Variants in PLEKHA7 observed in about 807,000 individuals in gnomAD.
The protein encoded by PLEKHA7 is pleckstrin homology domain-containing family A member 7.
In PLEKHA7, 104 loss-of-function variants were observed where a neutral mutation model predicts 170.0. The ratio of observed to expected loss-of-function variants is 0.61; its 90% CI spans 0.52 to 0.72. The LOEUF (loss-of-function observed/expected upper bound fraction) is 0.72, where lower values mean the gene tolerates loss of function less well. PLEKHA7 is among the 30% of genes least tolerant of loss of function. PLEKHA7 has a pLI of 0.00. For synonymous variants in PLEKHA7, 648 were observed against 660.8 expected (o/e 0.98, Z 0.30); for missense variants, 1,615 against 1,671.7 (o/e 0.97, Z 0.59).
chr11:17,007,239 A>G (rs944963106), intron 3 of PLEKHA7, among the ~76,000 whole-genome samples: 1 of 152,238 alleles, frequency 6.6e-6, no homozygotes, highest in African/African-American at 2.4e-5. Context: ...AAAACATTAT[A>G]TTCTACAATA....
chr11:16,819,089 C>T (rs932871900), intron 10 of PLEKHA7, among the ~76,000 whole-genome samples: 1 of 150,490 alleles, frequency 6.6e-6, no homozygotes, highest in African/African-American at 2.5e-5. Context: ...AGGAGTGAGC[C>T]ACCATGCCTG....
intron 3 of PLEKHA7, among the ~76,000 whole-genome samples, chr11:16,959,606 T>G (rs1369070028): frequency 6.6e-6 from 1 of 152,090 alleles, no homozygotes; most frequent in South Asian, 2.1e-4. Context: ...TAACATCAGG[T>G]CTGAACACCC....
chr11:16,925,340 T>A (rs1312671010), intron 3 of PLEKHA7, among the ~76,000 whole-genome samples: 1 of 152,184 alleles, frequency 6.6e-6, no homozygotes, highest in Non-Finnish European at 1.5e-5. Context: ...GCCGGCTCAA[T>A]GAATTCTCTT....
At chr11:16,949,136 C>T (rs930709060) in intron 3 of PLEKHA7, among the ~76,000 whole-genome samples, 1 of 152,080 alleles carries the variant, frequency 6.6e-6, no homozygotes, top group Non-Finnish European at 1.5e-5. Flanking sequence ...ACCCCCTCCC[C>T]ATCTCTATTT....
intron 10 of PLEKHA7, among the ~76,000 whole-genome samples, chr11:16,818,843 G>T (rs1445485512): frequency 2.8e-5 from 4 of 144,506 alleles, no homozygotes; most frequent in African/African-American, 7.8e-5. Context: ...TTGCTCTTTT[G>T]CCCAGGCTGG....
At position 16,904,649 on chromosome 11, in the gene PLEKHA7, A is replaced by G. The variant is rs368402278; in HGVS notation, c.222-33467T>C. Among the ~76,000 whole-genome samples, 20 of 152,336 alleles carry G rather than the reference A, an allele frequency of 1.3e-4. No individual in the cohort carries two copies. The East Asian group carries it at 1.3e-3, about 10-fold the overall frequency. On this transcript the variant is annotated intron_variant, in intron 3 of 26. Coordinates refer to ENST00000531066, the MANE Select transcript of PLEKHA7 (RefSeq NM_001329630.2). ...TCTGAATATTACTGCTTATTTGTGG[A>G]AAATTTAGAAAATAAAAGCATACAT...
intron 3 of PLEKHA7, among the ~76,000 whole-genome samples, chr11:16,897,588 G>T (rs529649258): frequency 6.6e-6 from 1 of 152,286 alleles, no homozygotes; most frequent in East Asian, 1.9e-4. Context: ...TGGGCCACCC[G>T]CAGAGAAGGT....
intron 1 of PLEKHA7, 50 bp downstream of exon 1, chr11:17,014,265 GC>G: frequency 2.8e-6 from 2 of 720,594 alleles, no homozygotes; most frequent in Non-Finnish European, 2.1e-6. Flanking sequence ...CCCGGCCCCC[GC>G]CCCCGCGCCC....
intron 3 of PLEKHA7, among the ~76,000 whole-genome samples, chr11:16,893,337 T>C (rs1856797649): frequency 6.6e-6 from 1 of 152,160 alleles, no homozygotes; most frequent in African/African-American, 2.4e-5. Flanking sequence ...AGGTAAACAA[T>C]AATACCAAGC....
chr11:16,839,485 A>G (rs1851787291), intron 9 of PLEKHA7, among the ~76,000 whole-genome samples: 1 of 150,550 alleles, frequency 6.6e-6, no homozygotes, highest in South Asian at 2.1e-4. Context: ...ATATATATAC[A>G]CACAGACATA....
In PLEKHA7 at chr11:16,778,664, G is replaced by T. The variant is rs768985440; in HGVS notation, c.*334C>A. 9.1e-5 allele frequency: 34 copies of T among 372,864 alleles called. No homozygotes were observed. The highest frequency in any genetic ancestry group is 1.7e-4 in the Non-Finnish European group (34 of 197,804). 23.1% of individuals were successfully genotyped at this position (372,864 alleles called of 1,614,324 possible). On this transcript the variant is annotated 3_prime_UTR_variant, in exon 27 of 27. Coordinates refer to ENST00000531066, the MANE Select transcript of PLEKHA7 (RefSeq NM_001329630.2). ...CACCCAGAAGTACCTGAATCTGTAC[G>T]TGCAGCTGCAAAGTCCTGCATCCTC...
chr11:16,907,181 C>T (rs1406676206), intron 3 of PLEKHA7, among the ~76,000 whole-genome samples: 3 of 82,706 alleles, frequency 3.6e-5, no homozygotes, highest in African/African-American at 2.2e-4. Context: ...GCCCCCCGCC[C>T]GGCCAGCCGC....
chr11:16,953,313 G>A (rs530988708), intron 3 of PLEKHA7, among the ~76,000 whole-genome samples: 4 of 152,138 alleles, frequency 2.6e-5, no homozygotes, highest in African/African-American at 9.7e-5. Context: ...TTAACCAAAC[G>A]AACATAAGAA....
intron 3 of PLEKHA7, among the ~76,000 whole-genome samples, chr11:16,979,975 G>A (rs1233103700): frequency 6.6e-6 from 1 of 152,184 alleles, no homozygotes; most frequent in Non-Finnish European, 1.5e-5. Context: ...CTCAGTGGCT[G>A]AGAAGCAAGG....
intron 3 of PLEKHA7, among the ~76,000 whole-genome samples, chr11:16,887,523 G>A (rs984700486): frequency 6.6e-6 from 1 of 152,168 alleles, no homozygotes; most frequent in African/African-American, 2.4e-5. Flanking sequence ...CCTGCCCAGT[G>A]CCTGGGATTG....
intron 3 of PLEKHA7, among the ~76,000 whole-genome samples, chr11:16,877,277 G>C (rs1266828075): frequency 1.3e-5 from 2 of 152,212 alleles, no homozygotes; most frequent in East Asian, 3.9e-4. Flanking sequence ...ACCAGTGTCT[G>C]GAGAAAACCA....
intron 3 of PLEKHA7, among the ~76,000 whole-genome samples, chr11:16,898,190 G>T (rs77543783): frequency 2.0e-5 from 3 of 152,016 alleles, no homozygotes; most frequent in African/African-American, 7.2e-5. Context: ...TCAACAACTC[G>T]AATTTTTATA....
At chr11:16,945,840 C>T (rs1047603343) in intron 3 of PLEKHA7, among the ~76,000 whole-genome samples, 7 of 152,158 alleles carry the variant, frequency 4.6e-5, no homozygotes, top group Non-Finnish European at 8.8e-5. Context: ...GAAGTGGGCC[C>T]GCTAGGGACC....
chr11:16,807,143 C>T (rs977832847), intron 13 of PLEKHA7: 10 of 982,724 alleles, frequency 1.0e-5, no homozygotes, highest in South Asian at 4.7e-5. Flanking sequence ...GATCATCTTA[C>T]GCTTCTCCTG....
Sources: allele counts gnomAD v4.1 joint callset (sites outside exome capture counted in the v4.1 genomes callset), GRCh38; gene constraint gnomAD v4.1.1; transcripts MANE v1.5; gene names NCBI Gene and HGNC (gene_info 2026-07-23, HGNC 2026-07-21).